AQP9: variants seen among roughly 807,000 people sequenced by gnomAD.
AQP9 encodes the protein aquaporin-9.
Under a neutral mutation model 23.8 loss-of-function variants are expected in AQP9, and 19 were observed. The observed-to-expected ratio is 0.80, with a 90% CI of 0.56 to 1.17. The LOEUF (loss-of-function observed/expected upper bound fraction) is 1.17. Ranked by LOEUF, AQP9 falls within the 50% of genes most tolerant of loss-of-function variation. The pLI is 0.00. For synonymous variants in AQP9, 153 were observed against 131.5 expected (o/e 1.16, Z -1.12); for missense variants, 413 against 362.0 (o/e 1.14, Z -1.14).
intron 1 of AQP9, chr15:58,155,340 AT>A (rs1450372899): frequency 2.6e-5 from 4 of 152,188 alleles, no homozygotes; most frequent in Non-Finnish European, 5.9e-5. Flanking sequence ...TAGCAATAGC[AT>A]TTATAGGTTA....
chr15:58,140,000 C>T (rs967497398), intron 1 of AQP9, among the ~76,000 whole-genome samples: 27 of 152,252 alleles, frequency 1.8e-4, no homozygotes, highest in African/African-American at 5.5e-4. Context: ...GATTCCCGGT[C>T]ACTGCTTACT....
At chr15:58,141,212 G>T (rs1897946448) in intron 1 of AQP9, among the ~76,000 whole-genome samples, 1 of 152,136 alleles carries the variant, frequency 6.6e-6, no homozygotes, top group African/African-American at 2.4e-5. Flanking sequence ...CAGGGACTAT[G>T]CTCACTCCTA....
intron 1 of AQP9, among the ~76,000 whole-genome samples, chr15:58,162,977 G>A (rs1339790666): frequency 1.3e-5 from 2 of 152,170 alleles, no homozygotes; most frequent in African/African-American, 4.8e-5. Flanking sequence ...CTGGATAACT[G>A]AAATACAAAG....
At chr15:58,144,719 A>T (rs927196478) in intron 1 of AQP9, among the ~76,000 whole-genome samples, 3 of 152,174 alleles carry the variant, frequency 2.0e-5, no homozygotes, top group Non-Finnish European at 4.4e-5. Flanking sequence ...AAATTTCTTT[A>T]AAAGTTACAG....
chr15:58,151,007 A>T (rs1346614441), intron 1 of AQP9: 2 of 152,240 alleles, frequency 1.3e-5, no homozygotes, highest in Non-Finnish European at 2.9e-5. Context: ...TCGACTCATT[A>T]GATTATGATA....
At chr15:58,151,943 G>A (rs545293454) in intron 1 of AQP9, 74 of 152,192 alleles carry the variant, frequency 4.9e-4, no homozygotes, top group African/African-American at 1.7e-3. Flanking sequence ...ATGGGAAATA[G>A]TTATGACAAG....
chr15:58,174,787 TAGAG>T, intron 3 of AQP9, 127 bp from the exon 4 acceptor site: 1 of 736,244 alleles, frequency 1.4e-6, no homozygotes, highest in Non-Finnish European at 2.4e-6. Flanking sequence ...TCCTCGGAAG[TAGAG>T]AGAGACAAAT....
chr15:58,178,871 G>A (rs1898815525), intron 4 of AQP9, among the ~76,000 whole-genome samples: 1 of 152,144 alleles, frequency 6.6e-6, no homozygotes, highest in South Asian at 2.1e-4. Context: ...ATCCAAACCT[G>A]ACTGCCACCT....
chr15:58,183,916 G>A lies in AQP9; in HGVS notation c.714-45G>A, dbSNP rs3742957. On this transcript the variant is annotated intron_variant, in intron 5 of 5. Transcript: ENST00000219919. ...GTGAAAAACTAGACAGTAATACCAGGAGGAAGGCCAAGAAATGTATCACTA... is the reference window on the plus strand; with the variant it reads ...GTGAAAAACTAGACAGTAATACCAGAAGGAAGGCCAAGAAATGTATCACTA... 3.5e-4 allele frequency: 568 copies of A among 1,602,394 alleles called. 6 individuals carry two copies. The East Asian group carries it at 0.01, about 29-fold the overall frequency.
chr15:58,160,990 T>C (rs1279183389), intron 1 of AQP9, among the ~76,000 whole-genome samples: 2 of 152,128 alleles, frequency 1.3e-5, no homozygotes, highest in African/African-American at 4.8e-5. Context: ...TGCTAAAGAA[T>C]ACTGGAAAGG....
chr15:58,162,041 A>G (rs1242713567), intron 1 of AQP9, among the ~76,000 whole-genome samples: 4 of 152,260 alleles, frequency 2.6e-5, no homozygotes, highest in African/African-American at 4.8e-5. Flanking sequence ...TCAGGCATAA[A>G]TATGTAAACA....
intron 1 of AQP9, among the ~76,000 whole-genome samples, chr15:58,142,376 T>G (rs2140581959): frequency 6.6e-6 from 1 of 152,278 alleles, no homozygotes; most frequent in South Asian, 2.1e-4. Flanking sequence ...TTAACTCCTT[T>G]CATGTGAAAG....
chr15:58,141,946 A>T (rs1411868359), intron 1 of AQP9, among the ~76,000 whole-genome samples: 1 of 152,236 alleles, frequency 6.6e-6, no homozygotes, highest in Non-Finnish European at 1.5e-5. Context: ...GCAGGGCAGA[A>T]TCCAGGACAA....
At chr15:58,148,264 G>T (rs575125787) in intron 1 of AQP9, among the ~76,000 whole-genome samples, 3 of 152,218 alleles carry the variant, frequency 2.0e-5, no homozygotes, top group African/African-American at 7.2e-5. Flanking sequence ...GGAAACACTG[G>T]GTTAAACCAA....
At chr15:58,166,542 A>C in intron 1 of AQP9, 131 bp from the exon 2 acceptor site, 2 of 1,216,812 alleles carry the variant, frequency 1.6e-6, no homozygotes. Flanking sequence ...GAATCATTAT[A>C]ATTTGATTTG....
At chr15:58,138,822 G>T in intron 1 of AQP9, 146 bp downstream of exon 1, 1 of 671,882 alleles carries the variant, frequency 1.5e-6, no homozygotes, top group East Asian at 2.7e-5. Context: ...GTTACTAGAG[G>T]CTGTTTGACT....
intron 4 of AQP9, 30 bp from the exon 5 acceptor site, chr15:58,179,098 A>G (rs1304602507): frequency 1.3e-6 from 2 of 1,517,240 alleles, no homozygotes; most frequent in African/African-American, 2.7e-5. Context: ...AATGCAGGCT[A>G]AAGCCCTGGC....
chr15:58,159,444 T>C (rs1898328778), intron 1 of AQP9, among the ~76,000 whole-genome samples: 2 of 152,214 alleles, frequency 1.3e-5, no homozygotes, highest in African/African-American at 4.8e-5. Context: ...ATTCATATAA[T>C]GTATAAAAAT....
chr15:58,145,965 C>G (rs1898037472), intron 1 of AQP9, among the ~76,000 whole-genome samples: 1 of 152,132 alleles, frequency 6.6e-6, no homozygotes, highest in African/African-American at 2.4e-5. Flanking sequence ...TTTCCAATGC[C>G]TCTGTTATTG....
Sources: allele counts gnomAD v4.1 joint callset (sites outside exome capture counted in the v4.1 genomes callset), GRCh38; gene constraint gnomAD v4.1.1; transcripts MANE v1.5; gene names NCBI Gene and HGNC (gene_info 2026-07-23, HGNC 2026-07-21).